KCNMB2: variants seen among roughly 807,000 people sequenced by gnomAD.
KCNMB2 encodes the protein calcium-activated potassium channel subunit beta-2.
Under a neutral mutation model 24.5 loss-of-function variants are expected in KCNMB2, and 9 were observed. The ratio of observed to expected loss-of-function variants is 0.37; its 90% confidence interval spans 0.22 to 0.64. The LOEUF is 0.64. Among genes scored for constraint, KCNMB2 ranks in the 30% least tolerant of loss-of-function variants. The pLI, the probability that KCNMB2 is intolerant of heterozygous loss-of-function variation, is 0.63. For missense variants in KCNMB2, 226 were observed against 284.3 expected (o/e 0.79, Z 1.47); for synonymous variants, 109 against 104.4 (o/e 1.04, Z -0.27).
intron 1 of KCNMB2, among the ~76,000 whole-genome samples, chr3:178,641,537 C>A (rs1719727365): frequency 6.6e-6 from 1 of 152,082 alleles, no homozygotes; most frequent in Non-Finnish European, 1.5e-5. Context: ...GGGGACCTTG[C>A]TATAATCACT....
chr3:178,616,772 A>T (rs759504073), intron 1 of KCNMB2, among the ~76,000 whole-genome samples: 35 of 152,178 alleles, frequency 2.3e-4, no homozygotes, highest in Non-Finnish European at 3.4e-4. Flanking sequence ...GGTTGGTTTT[A>T]TAATCCCATT....
intron 1 of KCNMB2, among the ~76,000 whole-genome samples, chr3:178,714,014 C>A (rs996843965): frequency 6.6e-6 from 1 of 152,156 alleles, no homozygotes; most frequent in African/African-American, 2.4e-5. Flanking sequence ...CTTAAACTCT[C>A]AAGTTTTTCT....
At chr3:178,585,247 G>C (rs1456180356) in intron 1 of KCNMB2, among the ~76,000 whole-genome samples, 2 of 152,128 alleles carry the variant, frequency 1.3e-5, no homozygotes, top group Admixed American at 1.3e-4. Flanking sequence ...TAATACATTT[G>C]TACAAACTCG....
In KCNMB2 at chr3:178,767,661, T is replaced by A. The variant is rs140351126; in HGVS notation, c.-67-39682T>A. Among the ~76,000 whole-genome samples, 5 of 152,358 alleles carry A rather than the reference T, an allele frequency of 3.3e-5. No individual in the cohort carries two copies. The East Asian group carries it at 9.6e-4, about 29-fold the overall frequency. Reference sequence around the variant, plus strand: ...GGTAGAAACTCATTTTATAAGGAGATGATGCCCCAAACATCTTCTTTATTC... The same window carrying A: ...GGTAGAAACTCATTTTATAAGGAGAAGATGCCCCAAACATCTTCTTTATTC... On this transcript the variant is annotated intron_variant, in intron 1 of 4. Coordinates refer to ENST00000452583, the MANE Select transcript of KCNMB2 (RefSeq NM_181361.3).
At chr3:178,721,553 T>C (rs556804516) in intron 1 of KCNMB2, among the ~76,000 whole-genome samples, 1 of 152,326 alleles carries the variant, frequency 6.6e-6, no homozygotes, top group South Asian at 2.1e-4. Flanking sequence ...ACATTTGGTA[T>C]GTAACATAAG....
At chr3:178,739,031 T>C (rs369661225) in intron 1 of KCNMB2, among the ~76,000 whole-genome samples, 3 of 151,476 alleles carry the variant, frequency 2.0e-5, no homozygotes, top group South Asian at 4.2e-4. Context: ...TCAATTGATA[T>C]GTAGTAAGGA....
intron 3 of KCNMB2, 138 bp downstream of exon 3, chr3:178,825,896 T>C: frequency 8.3e-6 from 5 of 603,908 alleles, no homozygotes; most frequent in South Asian, 2.6e-5. Context: ...AATAATACTT[T>C]TCAATAATGT....
At chr3:178,664,899 T>G (rs557622476) in intron 1 of KCNMB2, among the ~76,000 whole-genome samples, 1 of 152,248 alleles carries the variant, frequency 6.6e-6, no homozygotes, top group Admixed American at 6.6e-5. Flanking sequence ...CAAAGGACGA[T>G]CTATACAAAA....
chr3:178,698,791 TC>T (rs1216856000), intron 1 of KCNMB2, among the ~76,000 whole-genome samples: 1 of 152,244 alleles, frequency 6.6e-6, no homozygotes, highest in Non-Finnish European at 1.5e-5. Flanking sequence ...TGGATTTTTT[TC>T]TTTTATTCTA....
At chr3:178,564,200 C>T (rs1272189933) in intron 1 of KCNMB2, among the ~76,000 whole-genome samples, 3 of 151,974 alleles carry the variant, frequency 2.0e-5, no homozygotes, top group Non-Finnish European at 4.4e-5. Flanking sequence ...ATCGCTTCAA[C>T]CCGGGAGGCG....
At chr3:178,718,554 AC>A (rs1369171670) in intron 1 of KCNMB2, among the ~76,000 whole-genome samples, 4 of 152,218 alleles carry the variant, frequency 2.6e-5, no homozygotes, top group Admixed American at 6.5e-5. Context: ...TGACAGTGTT[AC>A]CCAAGACAAG....
intron 1 of KCNMB2, among the ~76,000 whole-genome samples, chr3:178,749,529 T>C (rs1017140303): frequency 8.5e-5 from 13 of 152,200 alleles, no homozygotes; most frequent in Non-Finnish European, 1.6e-4. Flanking sequence ...TATATCATAG[T>C]TGAGAGAGAA....
intron 1 of KCNMB2, among the ~76,000 whole-genome samples, chr3:178,575,985 T>C (rs1346939966): frequency 6.6e-6 from 1 of 152,106 alleles, no homozygotes. Context: ...TTAGAGGTTA[T>C]ATTTTCAGTC....
At position 178,842,934 on chromosome 3, in the gene KCNMB2, A is replaced by G. The variant is rs764319147; in HGVS notation, c.705A>G (p.Arg235=). The G allele has an allele frequency of 6.3e-7, 1 of 1,596,124 alleles. No homozygotes were observed. Among genetic ancestry groups the G allele is most frequent in the South Asian group, 1.1e-5 (1 of 89,266 alleles). ...GTGAGAGGATCCAACGGATCAATAG[A>G]TAAATGCAAAAATGGATAAAATAAT... is the stretch of plus-strand genomic sequence containing the variant. ...LLCERIQRIN[R] is the part of the protein sequence containing the mutation. The change falls in exon 5 of 5, where the codon AGA becomes AGG. Residue 235 remains arginine (R), a synonymous_variant. Transcript: ENST00000452583.
At chr3:178,691,107 CTTTTT>C (rs71181241) in intron 1 of KCNMB2, among the ~76,000 whole-genome samples, 4 of 79,690 alleles carry the variant, frequency 5.0e-5, no homozygotes, top group South Asian at 5.1e-4. Context: ...CCCATTAAGT[CTTTTT>C]TTTTTTTTTT....
chr3:178,681,968 G>T (rs1320634005), intron 1 of KCNMB2, among the ~76,000 whole-genome samples: 1 of 152,050 alleles, frequency 6.6e-6, no homozygotes, highest in African/African-American at 2.4e-5. Context: ...CAAGGCTTTT[G>T]GTCCTAAGGT....
chr3:178,753,543 C>G (rs528079083), intron 1 of KCNMB2, among the ~76,000 whole-genome samples: 20 of 152,240 alleles, frequency 1.3e-4, no homozygotes, highest in African/African-American at 4.8e-4. Flanking sequence ...TTCTATGAGA[C>G]ATTCTGGTGA....
intron 2 of KCNMB2, among the ~76,000 whole-genome samples, chr3:178,819,072 G>A (rs1198023586): frequency 6.6e-6 from 1 of 152,104 alleles, no homozygotes; most frequent in African/African-American, 2.4e-5. Flanking sequence ...ATAGCCCTGG[G>A]CCAATTTAAT....
At chr3:178,775,477 G>A (rs751824807) in intron 1 of KCNMB2, among the ~76,000 whole-genome samples, 29 of 152,130 alleles carry the variant, frequency 1.9e-4, no homozygotes, top group Middle Eastern at 6.8e-3. Context: ...AGATAAAATC[G>A]AATTTTAACT....
Sources: gnomAD v4.1 joint callset for allele counts (sites outside exome capture counted in the v4.1 genomes callset) on GRCh38, gnomAD v4.1.1 for gene constraint, MANE v1.5 for transcripts, NCBI Gene and HGNC (gene_info 2026-07-23, HGNC 2026-07-21) for gene names.